The following LMNTD1 variants were observed in gnomAD, a reference collection of about 807,000 sequenced individuals.
LMNTD1 encodes the protein lamin tail domain-containing protein 1.
In LMNTD1, 35 loss-of-function variants were observed where a neutral mutation model predicts 50.9. That is an observed-to-expected ratio of 0.69 (90% CI 0.53 to 0.91). The LOEUF is 0.91. LMNTD1 is among the 40% of genes least tolerant of loss of function. The probability of loss-of-function intolerance (pLI) is 0.00; values close to 1 mark genes in which losing one functional copy is unlikely to be tolerated. For synonymous variants in LMNTD1, 153 were observed against 161.9 expected (o/e 0.94, Z 0.42); for missense variants, 470 against 475.5 (o/e 0.99, Z 0.11).
intron 1 of LMNTD1, among the ~76,000 whole-genome samples, chr12:25,579,923 CT>C (rs1232675239): frequency 2.0e-5 from 3 of 152,158 alleles, no homozygotes; most frequent in Non-Finnish European, 4.4e-5. Flanking sequence ...CACAAATTAT[CT>C]CAAGCATAGA....
intron 8 of LMNTD1, among the ~76,000 whole-genome samples, chr12:25,510,378 TTTG>T (rs1289649030): frequency 3.3e-5 from 5 of 152,108 alleles, no homozygotes; most frequent in African/African-American, 1.2e-4. Context: ...ACTTCCATAT[TTTG>T]TTTTCTGAAG....
chr12:25,625,068 C>T (rs573265137), intron 1 of LMNTD1, among the ~76,000 whole-genome samples: 3 of 152,336 alleles, frequency 2.0e-5, no homozygotes, highest in African/African-American at 7.2e-5. Context: ...CATACATGCA[C>T]ACACATATGT....
chr12:25,483,350 G>C (rs191015037), intron 9 of LMNTD1, among the ~76,000 whole-genome samples: 2 of 151,918 alleles, frequency 1.3e-5, no homozygotes, highest in African/African-American at 4.9e-5. Flanking sequence ...CTTGAGTTCA[G>C]GGGTTGAGGC....
chr12:25,603,389 T>C (rs1298056958), intron 1 of LMNTD1, among the ~76,000 whole-genome samples: 3 of 151,988 alleles, frequency 2.0e-5, no homozygotes, highest in African/African-American at 7.2e-5. Context: ...AGCATGGGAG[T>C]TATCTGCCTT....
rs1304289042 is a variant in LMNTD1, at chr12:25,518,792, G to A, written c.1189+3C>T. 2 of 1,613,868 alleles carry A rather than the reference G, an allele frequency of 1.2e-6. No homozygotes were observed. The highest frequency in any genetic ancestry group is 3.3e-5 in the Admixed American group (2 of 60,010). On this transcript the variant is annotated splice_donor_region_variant and intron_variant, in intron 8 of 9. Coordinates refer to ENST00000458174, the MANE Select transcript of LMNTD1 (RefSeq NM_001145728.2). The stretch of plus-strand genomic sequence containing the variant: ...CACTGGAACAAGCACTCTTTTAACT[G>A]ACCTGAGGCTCGATTAGGTCTGGTT...
upstream of LMNTD1, among the ~76,000 whole-genome samples, chr12:25,555,588 G>A (rs1188543861): frequency 6.6e-6 from 1 of 152,136 alleles, no homozygotes; most frequent in Non-Finnish European, 1.5e-5. Flanking sequence ...ATGGTGTCAT[G>A]ATTATGTTTT....
chr12:25,622,467 G>GC (rs796827249), intron 1 of LMNTD1, among the ~76,000 whole-genome samples: 1,832 of 92,840 alleles, frequency 0.02, 58 homozygotes, highest in Non-Finnish European at 0.023. Context: ...TTGTGAGCCC[G>GC]CCCCCCCCCG....
At chr12:25,620,803 G>C (rs1946457487) in intron 1 of LMNTD1, among the ~76,000 whole-genome samples, 1 of 152,136 alleles carries the variant, frequency 6.6e-6, no homozygotes, top group South Asian at 2.1e-4. Flanking sequence ...GTCTTCATTT[G>C]CTCTATTAAT....
chr12:25,495,503 G>C (rs1379142008), intron 9 of LMNTD1, among the ~76,000 whole-genome samples: 2 of 152,100 alleles, frequency 1.3e-5, no homozygotes, highest in Admixed American at 1.3e-4. Context: ...AACTTGCAGA[G>C]GGCGATGATG....
intron 1 of LMNTD1, chr12:25,582,606 T>C (rs1945339702): frequency 1.3e-5 from 2 of 152,188 alleles, no homozygotes; most frequent in Non-Finnish European, 2.9e-5. Context: ...AAACCATACA[T>C]CTGGAAAAAA....
At chr12:25,586,149 A>G (rs185026121) in intron 1 of LMNTD1, 3 of 152,172 alleles carry the variant, frequency 2.0e-5, no homozygotes, top group African/African-American at 7.2e-5. Context: ...AGTAGATTTT[A>G]TACAGTAAAA....
At chr12:25,617,894 A>G (rs1565521734) in intron 1 of LMNTD1, among the ~76,000 whole-genome samples, 1 of 152,194 alleles carries the variant, frequency 6.6e-6, no homozygotes, top group Non-Finnish European at 1.5e-5. Flanking sequence ...GAAGGATACA[A>G]CAGTAATGAA....
intron 4 of LMNTD1, among the ~76,000 whole-genome samples, chr12:25,530,905 G>A (rs1026210483): frequency 6.6e-6 from 1 of 152,162 alleles, no homozygotes; most frequent in Admixed American, 6.5e-5. Flanking sequence ...CTAATCAAAT[G>A]AACCTTAAAA....
chr12:25,602,365 A>G (rs191374341), intron 1 of LMNTD1, among the ~76,000 whole-genome samples: 27 of 152,120 alleles, frequency 1.8e-4, no homozygotes, highest in Admixed American at 1.1e-3. Context: ...CCCACATTGT[A>G]TTGACTTTCT....
intron 1 of LMNTD1, among the ~76,000 whole-genome samples, chr12:25,614,018 A>T (rs16929123): frequency 6.6e-6 from 1 of 151,804 alleles, no homozygotes; most frequent in East Asian, 1.9e-4. Context: ...AAAGGAAGAG[A>T]GTGGTTTCCA....
At chr12:25,590,442 G>T (rs536251925) in intron 1 of LMNTD1, among the ~76,000 whole-genome samples, 34 of 152,254 alleles carry the variant, frequency 2.2e-4, no homozygotes, top group Admixed American at 7.8e-4. Flanking sequence ...AGTGCTCTGG[G>T]GCCCTTAATA....
chr12:25,487,145 T>G (rs1186828216), intron 9 of LMNTD1, among the ~76,000 whole-genome samples: 1 of 146,726 alleles, frequency 6.8e-6, no homozygotes, highest in African/African-American at 2.5e-5. Context: ...AGATGTCTAT[T>G]AGGTCCACTT....
chr12:25,476,238 G>A lies in LMNTD1; in HGVS notation c.*245C>T, dbSNP rs543165629. ...ATTGAATAATACTAACCATCTGCTTGTTTTCTGCAGGGATTTGGAAGGCAG... is the reference window on the plus strand; with the variant it reads ...ATTGAATAATACTAACCATCTGCTTATTTTCTGCAGGGATTTGGAAGGCAG... On this transcript the variant is annotated 3_prime_UTR_variant, in exon 10 of 10. Transcript: ENST00000458174. The A allele has an allele frequency of 2.6e-5, 4 of 152,324 alleles. No individual in the cohort carries two copies. Among genetic ancestry groups the A allele is most frequent in the African/African-American group, 9.6e-5 (4 of 41,568 alleles). The allele number at this position is 152,324 out of a possible 1,614,324, so 9.4% of individuals were successfully genotyped here. A position where few individuals can be genotyped will look rare whatever the true frequency, so the allele number is the denominator to read the frequency against.
intron 8 of LMNTD1, among the ~76,000 whole-genome samples, chr12:25,507,110 A>T (rs1939852067): frequency 6.6e-6 from 1 of 152,092 alleles, no homozygotes; most frequent in Non-Finnish European, 1.5e-5. Flanking sequence ...TCCTGACCTT[A>T]AGTGATGCAC....
Sources: allele counts gnomAD v4.1 joint callset (sites outside exome capture counted in the v4.1 genomes callset), GRCh38; gene constraint gnomAD v4.1.1; transcripts MANE v1.5; gene names NCBI Gene and HGNC (gene_info 2026-07-23, HGNC 2026-07-21).